Variants in ALMS1 observed in about 807,000 individuals in gnomAD.
The protein encoded by ALMS1 is ALMS1 centrosome and basal body associated protein, also known as centrosome-associated protein ALMS1.
In ALMS1, 271 loss-of-function variants were observed where a neutral mutation model predicts 352.2. The ratio of observed to expected loss-of-function variants is 0.77; its 90% CI spans 0.70 to 0.85. The LOEUF (loss-of-function observed/expected upper bound fraction) is 0.85. Among genes scored for constraint, ALMS1 ranks in the 40% least tolerant of loss-of-function variants. The pLI, the probability that ALMS1 is intolerant of heterozygous loss-of-function variation, is 0.00. For missense variants in ALMS1, 5,445 were observed against 4,870.7 expected (o/e 1.12, Z -3.51); for synonymous variants, 1,865 against 1,761.2 (o/e 1.06, Z -1.48).
chr2:73,594,220 C>G (rs901074842), intron 16 of ALMS1, among the ~76,000 whole-genome samples: 3 of 150,186 alleles, frequency 2.0e-5, no homozygotes, highest in Middle Eastern at 3.2e-3. Flanking sequence ...TTTTCCACAT[C>G]CTAGTGAACA....
chr2:73,602,914 A>T (rs568742121), intron 20 of ALMS1, among the ~76,000 whole-genome samples: 1 of 152,246 alleles, frequency 6.6e-6, no homozygotes, highest in Non-Finnish European at 1.5e-5. Flanking sequence ...TGCATTCTTA[A>T]CAATTATGAT....
intron 9 of ALMS1, among the ~76,000 whole-genome samples, chr2:73,481,878 T>C (rs1672713492): frequency 6.6e-6 from 1 of 151,260 alleles, no homozygotes; most frequent in South Asian, 2.1e-4. Flanking sequence ...GCTCTCTGTT[T>C]GTCTGTTGTT....
intron 15 of ALMS1, among the ~76,000 whole-genome samples, chr2:73,560,503 A>T (rs954541985): frequency 7.0e-4 from 106 of 152,336 alleles, no homozygotes; most frequent in African/African-American, 2.4e-3. Flanking sequence ...AGAATAATAA[A>T]AAAGAATTAG....
intron 10 of ALMS1, among the ~76,000 whole-genome samples, chr2:73,503,638 G>A (rs1053013962): frequency 6.6e-6 from 1 of 152,090 alleles, no homozygotes; most frequent in Non-Finnish European, 1.5e-5. Context: ...TGGGTCAAAT[G>A]GTATTTCTAG....
intron 9 of ALMS1, among the ~76,000 whole-genome samples, chr2:73,483,747 C>G (rs1672764393): frequency 6.7e-6 from 1 of 148,948 alleles, no homozygotes; most frequent in African/African-American, 2.5e-5. Context: ...CTTTATGAAT[C>G]TGGGTGCTCC....
intron 13 of ALMS1, among the ~76,000 whole-genome samples, chr2:73,553,453 C>T (rs1269389972): frequency 1.3e-5 from 2 of 152,066 alleles, no homozygotes; most frequent in Non-Finnish European, 2.9e-5. Flanking sequence ...TGTAGGATAC[C>T]TTATGTGATT....
At chr2:73,528,444 C>T (rs987197404) in intron 11 of ALMS1, among the ~76,000 whole-genome samples, 1 of 152,198 alleles carries the variant, frequency 6.6e-6, no homozygotes, top group Non-Finnish European at 1.5e-5. Flanking sequence ...GTTATATCCT[C>T]TTGCTGAATT....
chr2:73,447,405 A>G (rs1293991746), intron 7 of ALMS1, among the ~76,000 whole-genome samples: 1 of 152,024 alleles, frequency 6.6e-6, no homozygotes, highest in Non-Finnish European at 1.5e-5. Flanking sequence ...ACTTAAATAT[A>G]TATATATTAT....
At position 73,519,997 on chromosome 2, in the gene ALMS1, T is replaced by G. The variant is rs767726645; in HGVS notation, c.9762T>G (p.Thr3254=). The G allele has an allele frequency of 1.2e-6, 2 of 1,614,122 alleles. No individual in the cohort carries two copies. The highest frequency in any genetic ancestry group is 1.7e-6 in the Non-Finnish European group (2 of 1,179,950). The change falls in exon 11 of 23, where the codon ACT becomes ACG. Residue 3254 remains threonine (T), a synonymous_variant. Transcript: ENST00000613296. ...CATCATCTTCAGTCCAACAGGTTACTTTTTCTCGCGGCACAGATGGTAAGA... is the reference window on the plus strand; with the variant it reads ...CATCATCTTCAGTCCAACAGGTTACGTTTTCTCGCGGCACAGATGGTAAGA... ...FASSSSVQQV[T]FSRGTDGQPL...
intron 6 of ALMS1, 68 bp from the exon 7 acceptor site, chr2:73,432,130 T>A (rs1671511863): frequency 9.0e-7 from 1 of 1,111,036 alleles, no homozygotes; most frequent in African/African-American, 1.5e-5. Flanking sequence ...TCTTCGTAGG[T>A]GGGTCATTCT....
chr2:73,460,094 T>A (rs1041270388), intron 9 of ALMS1, among the ~76,000 whole-genome samples: 4 of 152,114 alleles, frequency 2.6e-5, no homozygotes, highest in Non-Finnish European at 5.9e-5. Context: ...AGTAAGAAAC[T>A]TGGCTCCCAT....
intron 1 of ALMS1, among the ~76,000 whole-genome samples, chr2:73,395,072 A>ATTTTTTTTTTTTTTTTTTTT (rs1558628491): frequency 9.3e-6 from 1 of 107,614 alleles, no homozygotes; most frequent in Non-Finnish European, 1.8e-5. Context: ...ATATATATAT[A>ATTTTTTTTTTTTTTTTTTTT]TATATATTTT....
intron 15 of ALMS1, among the ~76,000 whole-genome samples, chr2:73,563,746 AT>A (rs1282888876): frequency 0.028 from 1,519 of 55,114 alleles, 164 homozygotes; most frequent in African/African-American, 0.12. Flanking sequence ...AAAAATAAAA[AT>A]AAAAAATGAA....
rs1672950651 is a variant in ALMS1 at position 73,490,294 on chromosome 2, A to G, written c.8335A>G (p.Asn2779Asp). 1 of 1,613,102 alleles carries G rather than the reference A, an allele frequency of 6.2e-7. No individual in the cohort carries two copies. The highest frequency in any genetic ancestry group is 8.5e-7 in the Non-Finnish European group (1 of 1,179,632). The change falls in exon 10 of 23, where the codon AAT becomes GAT. Residue 2779 changes from asparagine to aspartate, a missense_variant. Asn to Asp is a conservative substitution (Grantham distance 23). Transcript: ENST00000613296. ...CCCTTCATCATTTAAAATGCATAGT[A>G]ATTCACAAGATAAAGAAGTGACTAT... ...SSPSSFKMHS[N>D]SQDKEVTILA...
At position 73,489,842 on chromosome 2, in the gene ALMS1, A is replaced by G. The variant is rs776280658; in HGVS notation, c.7883A>G (p.Asn2628Ser). 8.1e-6 allele frequency: 13 copies of G among 1,614,052 alleles called. No homozygotes were observed. The highest frequency in any genetic ancestry group is 2.7e-5 in the African/African-American group (2 of 74,910). The change falls in exon 10 of 23, where the codon AAC becomes AGC. Residue 2628 changes from asparagine (N) to serine (S), a missense_variant. Physicochemically the swap from Asn to Ser is conservative, Grantham distance 46 (BLOSUM62 1). Transcript: ENST00000613296. ...NPSSCRAKHV[N>S]LSASLDQNNS... ...TCATCATGCAGAGCCAAGCATGTCAACCTTTCTGCATCCTTAGACCAGAAC... is the reference window on the plus strand; with the variant it reads ...TCATCATGCAGAGCCAAGCATGTCAGCCTTTCTGCATCCTTAGACCAGAAC...
At position 73,424,678 on chromosome 2, in the gene ALMS1, G is replaced by A. The variant is rs373371896; in HGVS notation, c.1013G>A (p.Arg338His). ...CTGAAAATTCCCAAAGACTGTGATC[G>A]TTATGATGATCTTTGTTCATATATG... ...DELKIPKDCD[R>H]YDDLCSYMSW... Residue 338 changes from arginine to histidine, a missense_variant, in exon 5 of 23, where the codon CGT becomes CAT. Coordinates refer to ENST00000613296, the MANE Select transcript of ALMS1 (RefSeq NM_001378454.1). The A allele has an allele frequency of 1.6e-5, 26 of 1,613,896 alleles. No individual in the cohort carries two copies. The Middle Eastern group carries it at 6.6e-4, about 41-fold the overall frequency.
intron 16 of ALMS1, among the ~76,000 whole-genome samples, chr2:73,585,741 T>TTTTTC (rs1553420024): frequency 1.2e-4 from 18 of 148,528 alleles, no homozygotes; most frequent in African/African-American, 4.5e-4. Context: ...TTTTTTTTTT[T>TTTTTC]CCCCGAGACG....
At chr2:73,447,219 A>G (rs1417735765) in intron 7 of ALMS1, among the ~76,000 whole-genome samples, 1 of 152,174 alleles carries the variant, frequency 6.6e-6, no homozygotes, top group African/African-American at 2.4e-5. Flanking sequence ...GAATTATTGT[A>G]TTAGTGCAAA....
chr2:73,390,284 A>T lies in ALMS1; in HGVS notation c.324+4092A>T, dbSNP rs561648772. Among the ~76,000 whole-genome samples the T allele has an allele frequency of 1.5e-4, 23 of 152,308 alleles. No individual in the cohort carries two copies. In the East Asian group the frequency reaches 3.3e-3, roughly 22 times the overall value. On this transcript the variant is annotated intron_variant, in intron 1 of 22. Coordinates refer to ENST00000613296, the MANE Select transcript of ALMS1 (RefSeq NM_001378454.1). ...ATGCTTAGTATGTTTCTTGCTAGAA[A>T]TTTATGAACTATGAAATTCTTAGAT...
Sources: allele counts gnomAD v4.1 joint callset (sites outside exome capture counted in the v4.1 genomes callset), GRCh38; gene constraint gnomAD v4.1.1; transcripts MANE v1.5; gene names NCBI Gene and HGNC (gene_info 2026-07-23, HGNC 2026-07-21).